Variants in RNF121 observed in about 807,000 individuals in gnomAD.
RNF121 encodes the protein ring finger protein 121.
Under a neutral mutation model 46.5 loss-of-function variants are expected in RNF121, and 21 were observed. The observed-to-expected ratio is 0.45, with a 90% CI of 0.32 to 0.65. RNF121 has a LOEUF of 0.65. Among genes scored for constraint, RNF121 ranks in the 30% least tolerant of loss-of-function variants. The probability of loss-of-function intolerance (pLI) is 0.04; values close to 1 mark genes in which losing one functional copy is unlikely to be tolerated. For synonymous variants in RNF121, 139 were observed against 144.7 expected (o/e 0.96, Z 0.28); for missense variants, 346 against 416.0 (o/e 0.83, Z 1.46).
rs754578761 is a variant in RNF121, at chr11:71,929,091, A to G, written c.30A>G (p.Gly10=). 4.4e-5 allele frequency: 68 copies of G among 1,551,334 alleles called. No individual in the cohort carries two copies. Among genetic ancestry groups the G allele is most frequent in the South Asian group, 2.4e-4 (20 of 84,050 alleles). ...CGGCAGTGGTGGAGGTGGAGGTTGG[A>G]GGTGGTGCTGCTGGGGAACGGGAGC... MAAVVEVEV[G]GGAAGERELD... is the part of the protein sequence containing the mutation. Residue 10 remains glycine (G), a synonymous_variant, in exon 1 of 9, where the codon GGA becomes GGG. Transcript: ENST00000361756.
chr11:71,954,947 T>A (rs949505520), intron 1 of RNF121, among the ~76,000 whole-genome samples: 18 of 152,312 alleles, frequency 1.2e-4, no homozygotes, highest in African/African-American at 3.6e-4. Flanking sequence ...CCACAAGTAC[T>A]CATTGAGTGC....
At chr11:71,934,776 G>A (rs930939062) in intron 1 of RNF121, among the ~76,000 whole-genome samples, 1 of 152,126 alleles carries the variant, frequency 6.6e-6, no homozygotes, top group Non-Finnish European at 1.5e-5. Context: ...ACTAGGAATA[G>A]CAGATTTGTT....
chr11:71,982,735 C>T lies in RNF121; in HGVS notation c.244-26C>T, dbSNP rs752449405. 21 of 1,594,054 alleles carry T rather than the reference C, an allele frequency of 1.3e-5. No homozygotes were observed. In the South Asian group the frequency reaches 2.4e-4, roughly 18 times the overall value. On this transcript the variant is annotated intron_variant, in intron 3 of 8. Coordinates refer to ENST00000361756, the MANE Select transcript of RNF121 (RefSeq NM_018320.5). ...GAGCTGCAGAGGGAGCTGGCCAGAG[C>T]TGAAGTGCTTGTGTTTGTGTTTCAG... is the stretch of plus-strand genomic sequence containing the variant.
chr11:71,971,227 TAAAA>T (rs796973743), intron 3 of RNF121, among the ~76,000 whole-genome samples: 3 of 151,662 alleles, frequency 2.0e-5, no homozygotes, highest in African/African-American at 7.3e-5. Flanking sequence ...CTACAAAAAA[TAAAA>T]AAATTAGCCA....
At chr11:71,944,349 T>G (rs1384873630) in intron 1 of RNF121, among the ~76,000 whole-genome samples, 1 of 151,918 alleles carries the variant, frequency 6.6e-6, no homozygotes, top group Admixed American at 6.6e-5. Flanking sequence ...AAAGAGGAAC[T>G]TAGGTGAATG....
Position 71,987,021 on chromosome 11 carries a change from T to A in RNF121, c.416T>A (p.Phe139Tyr), listed in dbSNP as rs1022904572. ...QTTPRLVYKW[F>Y]LLIYKISYAT... ...TTCCCCAGGTTGGTTTATAAGTGGT[T>A]CCTGCTAATCTATAAAATCAGCTAT... The change falls in exon 5 of 9, where the codon TTC becomes TAC. Residue 139 changes from phenylalanine to tyrosine, a missense_variant. By Grantham distance (22) the Phe-to-Tyr change is conservative. Coordinates refer to ENST00000361756, the MANE Select transcript of RNF121 (RefSeq NM_018320.5). 1.9e-6 allele frequency: 3 copies of A among 1,612,912 alleles called. No homozygotes were observed. In the African/African-American group the frequency reaches 4.0e-5, roughly 22 times the overall value.
At chr11:71,993,984 G>A (rs1479048352) in intron 6 of RNF121, among the ~76,000 whole-genome samples, 1 of 151,896 alleles carries the variant, frequency 6.6e-6, no homozygotes, top group East Asian at 1.9e-4. Context: ...GGGACTACAG[G>A]CGCCCCCCAC....
At chr11:71,970,449 C>T (rs1394238260) in intron 3 of RNF121, among the ~76,000 whole-genome samples, 1 of 152,122 alleles carries the variant, frequency 6.6e-6, no homozygotes, top group Non-Finnish European at 1.5e-5. Context: ...TCACTTGATT[C>T]CAGGAGTTCC....
intron 3 of RNF121, among the ~76,000 whole-genome samples, chr11:71,975,910 G>A (rs148297786): frequency 3.9e-5 from 6 of 152,280 alleles, no homozygotes; most frequent in African/African-American, 4.8e-5. Context: ...AAATATATTC[G>A]TATTGGAGTG....
chr11:71,952,704 G>C (rs749434440), intron 1 of RNF121, among the ~76,000 whole-genome samples: 12 of 152,260 alleles, frequency 7.9e-5, no homozygotes, highest in Non-Finnish European at 1.8e-4. Context: ...AGCTACTCAG[G>C]AGGCTGAGGC....
intron 3 of RNF121, among the ~76,000 whole-genome samples, chr11:71,975,980 A>G (rs1271347989): frequency 6.6e-6 from 1 of 152,186 alleles, no homozygotes; most frequent in Non-Finnish European, 1.5e-5. Flanking sequence ...AACAACTCCA[A>G]CCGTGTTTCT....
At chr11:71,948,590 G>A (rs1953784412) in intron 1 of RNF121, among the ~76,000 whole-genome samples, 1 of 151,606 alleles carries the variant, frequency 6.6e-6, no homozygotes, top group Non-Finnish European at 1.5e-5. Context: ...GAGGGGTGGG[G>A]GTAAAGGGCA....
rs1953195110 is a variant in RNF121 at position 71,929,088 on chromosome 11, T to C, written c.27T>C (p.Val9=). 6.4e-7 allele frequency: 1 copy of C among 1,551,186 alleles called. No individual in the cohort carries two copies. Among genetic ancestry groups the C allele is most frequent in the Non-Finnish European group, 8.7e-7 (1 of 1,146,978 alleles). ...TGGCGGCAGTGGTGGAGGTGGAGGTTGGAGGTGGTGCTGCTGGGGAACGGG... is the reference window on the plus strand; with the variant it reads ...TGGCGGCAGTGGTGGAGGTGGAGGTCGGAGGTGGTGCTGCTGGGGAACGGG... MAAVVEVE[V]GGGAAGEREL... is the part of the protein sequence containing the mutation. The change falls in exon 1 of 9, where the codon GTT becomes GTC. Residue 9 remains valine, a synonymous_variant. Transcript: ENST00000361756.
Position 71,994,741 on chromosome 11 carries a change from C to T in RNF121, c.650C>T (p.Pro217Leu). The change falls in exon 7 of 9, where the codon CCT (proline) becomes CTT (leucine). Residue 217 changes from proline to leucine, a missense_variant. Pro to Leu is a moderately conservative substitution (Grantham distance 98, BLOSUM62 -3). Coordinates refer to ENST00000361756, the MANE Select transcript of RNF121 (RefSeq NM_018320.5). ...CAGTTCTACAGCGAGTCGGGCATGC[C>T]TACCAAACATCTTTCAGACAGTGTG... ...TIGFYSESGM[P>L]TKHLSDSVCA... 1 of 1,614,132 alleles carries T rather than the reference C, an allele frequency of 6.2e-7. No individual in the cohort carries two copies. The highest frequency in any genetic ancestry group is 8.5e-7 in the Non-Finnish European group (1 of 1,180,028).
At chr11:71,965,653 T>G (rs1210633529) in intron 3 of RNF121, among the ~76,000 whole-genome samples, 1 of 152,234 alleles carries the variant, frequency 6.6e-6, no homozygotes, top group Non-Finnish European at 1.5e-5. Flanking sequence ...TTAGTAAGCT[T>G]CTCATACATA....
chr11:71,990,768 T>A (rs1233845476), intron 6 of RNF121, 51 bp downstream of exon 6: 1 of 1,603,490 alleles, frequency 6.2e-7, no homozygotes. Flanking sequence ...TCCAAATTGC[T>A]CAAGTTGATG....
rs147424648 is a variant in RNF121 at position 71,966,541 on chromosome 11, G to C, written c.243+5650G>C. On this transcript the variant is annotated intron_variant, in intron 3 of 8. Transcript: ENST00000361756. The stretch of plus-strand genomic sequence containing the variant: ...CTGTCACCCAGGCTGGAGGGCAGCA[G>C]CTCCATCATAGCTCACTGCAGCCTC... 6.8e-3 allele frequency among the ~76,000 whole-genome samples: 1,029 copies of C among 151,576 alleles called. 3 individuals are homozygous for C. The highest frequency in any genetic ancestry group is 0.016 in the African/African-American group (648 of 41,304).
chr11:71,949,498 T>G lies in RNF121; in HGVS notation c.64-7729T>G, dbSNP rs1953811030. Among the ~76,000 whole-genome samples, 6 of 152,088 alleles carry G rather than the reference T, an allele frequency of 3.9e-5. No homozygotes were observed. In the South Asian group the frequency reaches 1.2e-3, roughly 32 times the overall value. On this transcript the variant is annotated intron_variant, in intron 1 of 8. Transcript: ENST00000361756. ...GGGAGGCCCAGGCAGGCAGATCACT[T>G]GAGGTCAGGAGTTCAAGACCAACCT... is the stretch of plus-strand genomic sequence containing the variant.
chr11:71,945,787 C>T (rs940498482), intron 1 of RNF121, among the ~76,000 whole-genome samples: 1 of 95,158 alleles, frequency 1.1e-5, no homozygotes, highest in African/African-American at 3.8e-5. Context: ...GCTTTTACAA[C>T]TCATCAATAA....
Sources: allele counts gnomAD v4.1 joint callset (sites outside exome capture counted in the v4.1 genomes callset), GRCh38; gene constraint gnomAD v4.1.1; transcripts MANE v1.5; gene names NCBI Gene and HGNC (gene_info 2026-07-23, HGNC 2026-07-21).